Variants in WAC observed in about 807,000 individuals in gnomAD.
WAC encodes WW domain containing adaptor with coiled-coil.
In WAC, 11 loss-of-function variants were observed where a neutral mutation model predicts 79.6. The ratio of observed to expected loss-of-function variants is 0.14; its 90% CI spans 0.09 to 0.23. The LOEUF is 0.23. Among genes scored for constraint, WAC ranks in the 10% least tolerant of loss-of-function variants. The pLI, the probability that WAC is intolerant of heterozygous loss-of-function variation, is 1.00. For missense variants in WAC, 728 were observed against 773.5 expected (o/e 0.94, Z 0.70); for synonymous variants, 304 against 276.9 (o/e 1.10, Z -0.97).
chr10:28,533,646 GGGCGGCGGCGGGGGGC>G (rs1564366673), intron 1 of WAC, 26 bp downstream of exon 1: 1 of 1,594,872 alleles, frequency 6.3e-7, no homozygotes, highest in Non-Finnish European at 8.5e-7. Context: ...GTTTCGGGCC[GGGCGGCGGCGGGGGGC>G]GGCGGCGGGG....
intron 7 of WAC, among the ~76,000 whole-genome samples, chr10:28,606,053 T>C (rs1173496778): frequency 1.6e-5 from 1 of 63,942 alleles, no homozygotes; most frequent in Non-Finnish European, 2.8e-5. Flanking sequence ...AGCAGTTTTT[T>C]GGTTTTTTTT....
chr10:28,555,820 G>T (rs1837948422), intron 3 of WAC, among the ~76,000 whole-genome samples: 1 of 152,162 alleles, frequency 6.6e-6, no homozygotes, highest in South Asian at 2.1e-4. Flanking sequence ...GAGCTTGTGT[G>T]CACTTGACCT....
chr10:28,582,189 CTTACTTCGTCCA>C (rs1839573186), intron 3 of WAC, among the ~76,000 whole-genome samples: 1 of 152,210 alleles, frequency 6.6e-6, no homozygotes, highest in South Asian at 2.1e-4. Context: ...CTGTCATACT[CTTACTTCGTCCA>C]TGAACTTTTT....
intron 7 of WAC, among the ~76,000 whole-genome samples, chr10:28,606,216 A>G (rs1840942646): frequency 6.6e-6 from 1 of 152,244 alleles, no homozygotes; most frequent in East Asian, 1.9e-4. Context: ...ACAGCTGGCT[A>G]ATTTTTTGTA....
intron 3 of WAC, among the ~76,000 whole-genome samples, chr10:28,582,120 T>C (rs1368445889): frequency 6.6e-6 from 1 of 152,236 alleles, no homozygotes; most frequent in Non-Finnish European, 1.5e-5. Context: ...AATCTGCATG[T>C]AGTTTCCATT....
chr10:28,537,147 A>ATG (rs1312040394), intron 3 of WAC, among the ~76,000 whole-genome samples: 1 of 152,234 alleles, frequency 6.6e-6, no homozygotes, highest in Non-Finnish European at 1.5e-5. Flanking sequence ...TCTCTATTGA[A>ATG]TGTAGTTATA....
At chr10:28,541,697 G>A (rs1837061442) in intron 3 of WAC, among the ~76,000 whole-genome samples, 1 of 152,034 alleles carries the variant, frequency 6.6e-6, no homozygotes, top group Non-Finnish European at 1.5e-5. Flanking sequence ...TTGTACTGAT[G>A]AAATTATAAA....
intron 3 of WAC, among the ~76,000 whole-genome samples, chr10:28,539,591 CAG>C (rs1564371417): frequency 2.0e-5 from 3 of 149,792 alleles, no homozygotes; most frequent in South Asian, 2.1e-4. Context: ...TTTCTGGAGA[CAG>C]AGTTGCCCAG....
At chr10:28,541,703 A>G (rs1410588820) in intron 3 of WAC, among the ~76,000 whole-genome samples, 2 of 152,146 alleles carry the variant, frequency 1.3e-5, no homozygotes, top group Non-Finnish European at 2.9e-5. Flanking sequence ...TGATGAAATT[A>G]TAAAGTATTT....
chr10:28,573,716 T>C (rs1839097407), intron 3 of WAC, among the ~76,000 whole-genome samples: 1 of 152,348 alleles, frequency 6.6e-6, no homozygotes, highest in Middle Eastern at 3.4e-3. Flanking sequence ...GTTTTATTTA[T>C]GTGTAATTCA....
rs780941323 is a variant in WAC at position 28,617,728 on chromosome 10, A to G, written c.1818A>G (p.Lys606=). 21 of 1,598,654 alleles carry G rather than the reference A, an allele frequency of 1.3e-5. No homozygotes were observed. The highest frequency in any genetic ancestry group is 1.6e-5 in the Non-Finnish European group (19 of 1,175,364). ...TGTCCGAAATTTGTACTGAATTAAA[A>G]AATTTAAGATCTTTAGTCCGAGTAT... is the stretch of plus-strand genomic sequence containing the variant. ...IHMSEICTEL[K]NLRSLVRVCE... is the part of the protein sequence containing the mutation. Residue 606 remains lysine, a synonymous_variant, in exon 13 of 14, where the codon AAA becomes AAG. Transcript: ENST00000354911.
intron 3 of WAC, among the ~76,000 whole-genome samples, chr10:28,555,242 T>C (rs1211685363): frequency 6.6e-6 from 1 of 152,062 alleles, no homozygotes; most frequent in Non-Finnish European, 1.5e-5. Context: ...TGCAAGTGGC[T>C]CATGAGGCCC....
Position 28,533,956 on chromosome 10 carries a change from G to A in WAC, c.42-42G>A, listed in dbSNP as rs200713740. The A allele has an allele frequency of 4.7e-5, 76 of 1,602,886 alleles. 1 individual carries two copies. The Admixed American group carries it at 6.4e-4, about 14-fold the overall frequency. ...TTTCTTCCTCCCCGGCCCCCCACCC[G>A]CGCCGTGTCTTATGTCGCTGCCTTC... On this transcript the variant is annotated intron_variant, in intron 1 of 13. Transcript: ENST00000354911.
At chr10:28,581,113 G>T (rs1330917674) in intron 3 of WAC, among the ~76,000 whole-genome samples, 1 of 151,994 alleles carries the variant, frequency 6.6e-6, no homozygotes, top group African/African-American at 2.4e-5. Context: ...GCTTTTACTG[G>T]ATTTGGTGAG....
At chr10:28,562,095 T>C (rs746055280) in intron 3 of WAC, among the ~76,000 whole-genome samples, 1 of 152,166 alleles carries the variant, frequency 6.6e-6, no homozygotes, top group Non-Finnish European at 1.5e-5. Flanking sequence ...ACGTGCTCTG[T>C]CACCCAGGTT....
rs1841195579 is a variant in WAC at position 28,610,690 on chromosome 10, T to C, written c.1166-9T>C. On this transcript the variant is annotated splice_polypyrimidine_tract_variant and intron_variant, in intron 8 of 13. Transcript: ENST00000354911. Reference sequence around the variant, plus strand: ...TTTTATATGAATGTATGAAATAATATGTTTTTAGTTCTTACAGCAGCTGTG... The same window carrying C: ...TTTTATATGAATGTATGAAATAATACGTTTTTAGTTCTTACAGCAGCTGTG... 2.5e-6 allele frequency: 4 copies of C among 1,602,800 alleles called. No homozygotes were observed. Among genetic ancestry groups the C allele is most frequent in the Admixed American group, 1.7e-5 (1 of 58,060 alleles).
intron 6 of WAC, among the ~76,000 whole-genome samples, chr10:28,593,029 A>C (rs1256262148): frequency 6.6e-6 from 1 of 152,170 alleles, no homozygotes; most frequent in Non-Finnish European, 1.5e-5. Context: ...TTATGATTTC[A>C]TATCTGCCCA....
At chr10:28,611,635 C>T in intron 9 of WAC, 139 bp from the exon 10 acceptor site, 1 of 1,242,506 alleles carries the variant, frequency 8.0e-7, no homozygotes, top group Non-Finnish European at 1.1e-6. Flanking sequence ...TGATTTATTC[C>T]AATAAGTGTT....
chr10:28,582,960 G>A (rs1213776165), intron 3 of WAC, among the ~76,000 whole-genome samples: 1 of 152,074 alleles, frequency 6.6e-6, no homozygotes, highest in African/African-American at 2.4e-5. Flanking sequence ...AAGGCAAATA[G>A]GGGAAACTGT....
Sources: allele counts gnomAD v4.1 joint callset (sites outside exome capture counted in the v4.1 genomes callset), GRCh38; gene constraint gnomAD v4.1.1; transcripts MANE v1.5; gene names NCBI Gene and HGNC (gene_info 2026-07-23, HGNC 2026-07-21).